The following ATXN1 variants were observed in gnomAD, a reference collection of about 807,000 sequenced individuals.
The protein encoded by ATXN1 is ataxin-1.
Under a neutral mutation model 56.4 loss-of-function variants are expected in ATXN1, and 8 were observed. The observed-to-expected ratio is 0.14, with a 90% CI of 0.08 to 0.26. ATXN1 has a LOEUF of 0.26. Among genes scored for constraint, ATXN1 ranks in the 10% least tolerant of loss-of-function variants. The pLI, the probability that ATXN1 is intolerant of heterozygous loss-of-function variation, is 1.00. For synonymous variants in ATXN1, 514 were observed against 494.6 expected, an observed-to-expected ratio of 1.04 and a Z score of -0.52; for missense variants, 987 against 1,106.5, an observed-to-expected ratio of 0.89 and a Z score of 1.53.
intron 5 of ATXN1, among the ~76,000 whole-genome samples, chr6:16,495,845 A>G (rs1278586997): frequency 6.6e-6 from 1 of 151,704 alleles, no homozygotes; most frequent in Non-Finnish European, 1.5e-5. Flanking sequence ...CCTGGGTGAC[A>G]GAGTGAGACT....
At chr6:16,606,741 G>A (rs1323399962) in intron 3 of ATXN1, among the ~76,000 whole-genome samples, 1 of 151,472 alleles carries the variant, frequency 6.6e-6, no homozygotes, top group African/African-American at 2.4e-5. Flanking sequence ...TGTTAGCCAG[G>A]ACGGTCTTGA....
intron 6 of ATXN1, among the ~76,000 whole-genome samples, chr6:16,329,027 G>C (rs9370887): frequency 0.12 from 18,775 of 152,096 alleles, 1,761 homozygotes; most frequent in East Asian, 0.41. Context: ...AGTGAACACT[G>C]TAACACATAT....
intron 3 of ATXN1, among the ~76,000 whole-genome samples, chr6:16,604,387 T>C (rs1762964882): frequency 6.6e-6 from 1 of 150,376 alleles, no homozygotes; most frequent in Admixed American, 6.6e-5. Flanking sequence ...TTCCAGCTAC[T>C]CAACTGACTG....
At chr6:16,634,389 G>A (rs1763557302) in intron 3 of ATXN1, among the ~76,000 whole-genome samples, 1 of 152,056 alleles carries the variant, frequency 6.6e-6, no homozygotes, top group Admixed American at 6.5e-5. Context: ...ACCTCATAGG[G>A]TTGTTTCTGA....
rs578168938 is a variant in ATXN1, at chr6:16,547,468, G to A, written c.-360-24780C>T. On this transcript the variant is annotated intron_variant, in intron 4 of 7. Transcript: ENST00000436367. ...TGTGCACCAGGCGTCAGAGAGAAGC[G>A]GTGGTGTGTGTGGATGGTCTACCTG... Among the ~76,000 whole-genome samples, 115 of 152,278 alleles carry A rather than the reference G, an allele frequency of 7.6e-4. 1 individual carries two copies. Among genetic ancestry groups the A allele is most frequent in the Non-Finnish European group, 8.1e-4 (55 of 68,024 alleles).
At chr6:16,647,637 G>A (rs1237670307) in intron 3 of ATXN1, among the ~76,000 whole-genome samples, 2 of 152,126 alleles carry the variant, frequency 1.3e-5, no homozygotes, top group African/African-American at 2.4e-5. Flanking sequence ...AATCTTAAAT[G>A]TTCTCACCAT....
chr6:16,618,721 CAA>C (rs35139131), intron 3 of ATXN1, among the ~76,000 whole-genome samples: 5 of 55,844 alleles, frequency 9.0e-5, no homozygotes, highest in Admixed American at 1.6e-4. Context: ...GACTCCGTCT[CAA>C]AAAAAAAAAA....
intron 2 of ATXN1, among the ~76,000 whole-genome samples, chr6:16,725,814 C>T (rs1038076065): frequency 3.5e-4 from 54 of 152,152 alleles, no homozygotes; most frequent in Admixed American, 3.4e-3. Context: ...AAAGCTTAAG[C>T]GCTCCTAAGG....
chr6:16,705,367 G>A (rs1367971770), intron 2 of ATXN1, among the ~76,000 whole-genome samples: 4 of 152,134 alleles, frequency 2.6e-5, no homozygotes, highest in Admixed American at 6.5e-5. Flanking sequence ...ATCAAGTAAC[G>A]TAAACATCCA....
intron 3 of ATXN1, among the ~76,000 whole-genome samples, chr6:16,653,396 C>T (rs1758112816): frequency 6.6e-6 from 1 of 152,254 alleles, no homozygotes; most frequent in Non-Finnish European, 1.5e-5. Flanking sequence ...TGATCCTTTT[C>T]AGCAGCGGGA....
Position 16,619,079 on chromosome 6 carries a change from C to T in ATXN1, c.-488-33172G>A, listed in dbSNP as rs551180759. ...CTACACTAAAAAAAGCAAATTAAAA[C>T]AAGATATAATTTTTAACTTATCAAA... is the stretch of plus-strand genomic sequence containing the variant. On this transcript the variant is annotated intron_variant, in intron 3 of 7. Coordinates refer to ENST00000436367, the MANE Select transcript of ATXN1 (RefSeq NM_001128164.2). Among the ~76,000 whole-genome samples, 127 of 151,368 alleles carry T rather than the reference C, an allele frequency of 8.4e-4. 2 individuals are homozygous for T. Among genetic ancestry groups the T allele is most frequent in the Middle Eastern group, 6.9e-3 (2 of 290 alleles).
At chr6:16,744,641 G>A (rs1760464362) in intron 2 of ATXN1, among the ~76,000 whole-genome samples, 1 of 152,182 alleles carries the variant, frequency 6.6e-6, no homozygotes, top group South Asian at 2.1e-4. Context: ...GAAGGGGAAA[G>A]GGGCCCTTGG....
rs1315773306 is a variant in ATXN1, at chr6:16,462,577, C to T, written c.-161+23395G>A. Among the ~76,000 whole-genome samples, 3 of 152,298 alleles carry T rather than the reference C, an allele frequency of 2.0e-5. No homozygotes were observed. The East Asian group carries it at 5.8e-4, about 29-fold the overall frequency. On this transcript the variant is annotated intron_variant, in intron 6 of 7. Coordinates refer to ENST00000436367, the MANE Select transcript of ATXN1 (RefSeq NM_001128164.2). Reference sequence around the variant, plus strand: ...TTTGCAGCAGGACTATATACTGTAGCTCCTGCCGGGACAAAAATCCTAATC... The same window carrying T: ...TTTGCAGCAGGACTATATACTGTAGTTCCTGCCGGGACAAAAATCCTAATC...
intron 4 of ATXN1, among the ~76,000 whole-genome samples, chr6:16,563,045 C>T (rs1368061907): frequency 2.6e-5 from 4 of 151,916 alleles, no homozygotes; most frequent in African/African-American, 4.8e-5. Context: ...CTCTGGGATG[C>T]GTGAGCACAG....
intron 6 of ATXN1, among the ~76,000 whole-genome samples, chr6:16,403,642 C>T (rs1436591313): frequency 4.6e-5 from 7 of 152,292 alleles, no homozygotes; most frequent in South Asian, 4.1e-4. Context: ...TGAGCCATGG[C>T]GCCCGGCCCT....
intron 3 of ATXN1, among the ~76,000 whole-genome samples, chr6:16,654,088 G>A (rs1053577601): frequency 1.3e-5 from 2 of 152,144 alleles, no homozygotes; most frequent in Non-Finnish European, 2.9e-5. Flanking sequence ...AGGAGGTACT[G>A]GGATTAGACC....
At chr6:16,664,151 A>G (rs1268431179) in intron 2 of ATXN1, among the ~76,000 whole-genome samples, 1 of 152,258 alleles carries the variant, frequency 6.6e-6, no homozygotes, top group African/African-American at 2.4e-5. Flanking sequence ...CTTATGACAC[A>G]TGGAGCAGAT....
intron 6 of ATXN1, among the ~76,000 whole-genome samples, chr6:16,342,665 T>C (rs1222246529): frequency 6.6e-6 from 1 of 152,252 alleles, no homozygotes; most frequent in East Asian, 1.9e-4. Context: ...TATATCCTTA[T>C]GACGAGCTAT....
chr6:16,507,468 T>A (rs1761000586), intron 5 of ATXN1, among the ~76,000 whole-genome samples: 1 of 152,232 alleles, frequency 6.6e-6, no homozygotes, highest in Admixed American at 6.5e-5. Context: ...ATGGGCTCAA[T>A]CACTATATTA....
Sources: gnomAD v4.1 joint callset for allele counts (sites outside exome capture counted in the v4.1 genomes callset) on GRCh38, gnomAD v4.1.1 for gene constraint, MANE v1.5 for transcripts, NCBI Gene and HGNC (gene_info 2026-07-23, HGNC 2026-07-21) for gene names.